The following PARP10 variants were observed in gnomAD, a reference collection of about 807,000 sequenced individuals.
The protein encoded by PARP10 is protein mono-ADP-ribosyltransferase PARP10.
PARP10 carries 56 observed loss-of-function variants against 82.4 expected under a neutral mutation model. The ratio of observed to expected loss-of-function variants is 0.68; its 90% CI spans 0.55 to 0.85. The LOEUF (loss-of-function observed/expected upper bound fraction) is 0.85, where lower values mean the gene tolerates loss of function less well. PARP10 is among the 40% of genes least tolerant of loss of function. The probability of loss-of-function intolerance (pLI) is 0.00; values close to 1 mark genes in which losing one functional copy is unlikely to be tolerated. For missense variants in PARP10, 1,227 were observed against 1,379.4 expected (o/e 0.89, Z 1.75); for synonymous variants, 576 against 601.1 (o/e 0.96, Z 0.61).
At chr8:143,978,171 T>A in intron 9 of PARP10, 90 bp from the exon 10 acceptor site, 1 of 1,388,166 alleles carries the variant, frequency 7.2e-7, no homozygotes. Flanking sequence ...CCAGGAGCCC[T>A]CTGTTGGAGG....
upstream of PARP10, chr8:143,990,141 A>G (rs1460313944): frequency 1.3e-5 from 2 of 150,268 alleles, no homozygotes; most frequent in Admixed American, 6.6e-5. This position sits in a 1 kb window ranked among gnomAD's most constrained non-coding sequence, Gnocchi z 5.6. Context: ...CGCATCGGCC[A>G]TCACCGCGCG....
At chr8:143,991,212 G>A, upstream of PARP10, 1 of 1,560,924 alleles carries the variant, frequency 6.4e-7, no homozygotes, top group Non-Finnish European at 8.7e-7. Flanking sequence ...GCGGACCGCG[G>A]AACCCGAGGC....
chr8:143,983,899 C>G lies in PARP10; in HGVS notation c.1778-88G>C, dbSNP rs1587456421. 3.3e-6 allele frequency: 5 copies of G among 1,503,658 alleles called. No individual in the cohort carries two copies. The South Asian group carries it at 6.7e-5, about 20-fold the overall frequency. The allele number at this position is 1,503,658 out of a possible 1,614,324, so 93.1% of individuals were successfully genotyped here. A position where few individuals can be genotyped will look rare whatever the true frequency, so the allele number is the denominator to read the frequency against. ...AGATGGGGAGCAAGTTTTTAGGGTA[C>G]AGGGTGGGCCTAAGATGGGTCAGTA... On this transcript the variant is annotated intron_variant, in intron 7 of 10. Coordinates refer to ENST00000313028, the MANE Select transcript of PARP10 (RefSeq NM_032789.5).
intron 1 of PARP10, among the ~76,000 whole-genome samples, chr8:144,009,662 C>T (rs1834259936): frequency 6.6e-6 from 1 of 152,204 alleles, no homozygotes; most frequent in Non-Finnish European, 1.5e-5. Flanking sequence ...TCCTTAACAT[C>T]CTGATCTCAG....
chr8:143,991,713 A>AGGG, upstream of PARP10: 1 of 1,613,312 alleles, frequency 6.2e-7, no homozygotes, highest in Non-Finnish European at 8.5e-7. Flanking sequence ...GGAAACTACC[A>AGGG]GGAGGAGGGT....
At chr8:143,993,775 G>A (rs532703821), upstream of PARP10, among the ~76,000 whole-genome samples, 1 of 152,266 alleles carries the variant, frequency 6.6e-6, no homozygotes, top group Admixed American at 6.5e-5. Context: ...CATGCTCCTT[G>A]GGCGCTCCTT....
In PARP10 at chr8:143,984,992, G is replaced by A; in HGVS notation, c.1010C>T (p.Thr337Ile). 2 of 1,613,942 alleles carry A rather than the reference G, an allele frequency of 1.2e-6. No homozygotes were observed. The highest frequency in any genetic ancestry group is 1.7e-6 in the Non-Finnish European group (2 of 1,179,998). The change falls in exon 5 of 11, where the codon ACA becomes ATA. Residue 337 changes from threonine (T) to isoleucine (I), a missense_variant. Thr to Ile is a moderately conservative substitution (Grantham distance 89). Coordinates refer to ENST00000313028, the MANE Select transcript of PARP10 (RefSeq NM_032789.5). ...CTGTCCCAGAGACCCCATGGGACCT[G>A]TCCTCAGAGAGGTCCCTGACTGCCC... ...EPGQSGTSLR[T>I]GPMGSLGQAE...
At chr8:143,986,639 C>A, upstream of PARP10, 1 of 579,610 alleles carries the variant, frequency 1.7e-6, no homozygotes, top group Non-Finnish European at 3.1e-6. Flanking sequence ...ACCGGCCCTA[C>A]CTGGCCCACT....
chr8:144,003,736 C>T (rs1834217734), intron 1 of PARP10, among the ~76,000 whole-genome samples: 1 of 152,092 alleles, frequency 6.6e-6, no homozygotes, highest in Admixed American at 6.6e-5. Context: ...CAACAGAAAT[C>T]TGCATAGGGG....
At chr8:144,000,903 T>C (rs1406330119) in intron 1 of PARP10, among the ~76,000 whole-genome samples, 1 of 110,056 alleles carries the variant, frequency 9.1e-6, no homozygotes, top group Non-Finnish European at 1.9e-5. Context: ...ATTCTTTGTG[T>C]GTGTGTTTTT....
At chr8:143,995,321 G>A (rs141629080), upstream of PARP10, among the ~76,000 whole-genome samples, 3 of 152,336 alleles carry the variant, frequency 2.0e-5, no homozygotes, top group Non-Finnish European at 4.4e-5. Flanking sequence ...AAGCCATTGA[G>A]ACATGCCAGA....
At chr8:143,992,179 G>A (rs1024948810), upstream of PARP10, 1 of 1,597,872 alleles carries the variant, frequency 6.3e-7, no homozygotes, top group Non-Finnish European at 8.5e-7. Context: ...GTGCTCATGA[G>A]GCAGGGGCCG....
At chr8:144,002,739 G>A (rs1429351217) in intron 1 of PARP10, among the ~76,000 whole-genome samples, 5 of 152,060 alleles carry the variant, frequency 3.3e-5, no homozygotes, top group Non-Finnish European at 5.9e-5. Flanking sequence ...TGAGACACAC[G>A]AAAGCACTAA....
chr8:143,993,072 G>A, upstream of PARP10: 2 of 538,084 alleles, frequency 3.7e-6, no homozygotes, highest in Non-Finnish European at 6.7e-6. Context: ...GGGGCACCAA[G>A]GCCACGTTTC....
rs2133022373 is a variant in PARP10 at position 143,977,331 on chromosome 8, A to G, written c.*153T>C. The G allele has an allele frequency of 1.2e-6, 1 of 817,922 alleles. No individual in the cohort carries two copies. The highest frequency in any genetic ancestry group is 3.0e-5 in the Admixed American group (1 of 33,864). The allele number at this position is 817,922 out of a possible 1,614,324, so 50.7% of individuals were successfully genotyped here. A position where few individuals can be genotyped will look rare whatever the true frequency, so the allele number is the denominator to read the frequency against. On this transcript the variant is annotated 3_prime_UTR_variant, in exon 11 of 11. Coordinates refer to ENST00000313028, the MANE Select transcript of PARP10 (RefSeq NM_032789.5). ...GCCCGGCCCCCCTCGGCCGCTGCTG[A>G]CCGCCATCCCCCACACCGCCTTCTG...
chr8:143,979,708 C>T (rs1254143047), intron 9 of PARP10, among the ~76,000 whole-genome samples: 3 of 151,750 alleles, frequency 2.0e-5, no homozygotes, highest in Non-Finnish European at 2.9e-5. Context: ...GTCAGGAGTT[C>T]GAGACCAGCC....
chr8:143,995,052 G>T (rs772290354), upstream of PARP10, among the ~76,000 whole-genome samples: 1 of 152,216 alleles, frequency 6.6e-6, no homozygotes, highest in African/African-American at 2.4e-5. Flanking sequence ...GGCTGAGAGG[G>T]AGAGGCTTTA....
chr8:143,977,971 CGTGCCGTG>C lies in PARP10; in HGVS notation c.2659_2666del (p.His887AspfsTer7). ...AGATGTCAGGCACTGCCGGTGCCGT[CGTGCCGTG>C]GTACAGCACCTGCTCCACCGGGCGC... On this transcript the variant is annotated frameshift_variant, in exon 10 of 11. Coordinates refer to ENST00000313028, the MANE Select transcript of PARP10 (RefSeq NM_032789.5). LOFTEE classifies it high-confidence loss of function. The C allele has an allele frequency of 8.1e-6, 13 of 1,599,234 alleles. No individual in the cohort carries two copies. The highest frequency in any genetic ancestry group is 1.0e-5 in the Non-Finnish European group (12 of 1,179,156).
rs531736981 is a variant in PARP10 at position 144,012,621 on chromosome 8, G to A, written c.-171C>T. The A allele has an allele frequency of 6.8e-5, 106 of 1,551,730 alleles. No homozygotes were observed. In the African/African-American group the frequency reaches 9.2e-4, roughly 13 times the overall value. On this transcript the variant is annotated 5_prime_UTR_variant, in exon 1 of 4. Transcript: ENST00000530478. ...GGTGCGGCTCATTCGGGAGAATCAC[G>A]AGCTCAAGTCAGCGATCAAGACTCA...
Sources: allele counts gnomAD v4.1 joint callset (sites outside exome capture counted in the v4.1 genomes callset), GRCh38; gene constraint gnomAD v4.1.1; non-coding constraint Gnocchi (gnomAD v3.1); transcripts MANE v1.5; gene names NCBI Gene and HGNC (gene_info 2026-07-23, HGNC 2026-07-21).